Variants in PTPRT observed in about 807,000 individuals in gnomAD.
The protein encoded by PTPRT is protein tyrosine phosphatase receptor type T.
A neutral mutation model predicts 176.8 loss-of-function variants in PTPRT; 56 were observed. The ratio of observed to expected loss-of-function variants is 0.32; its 90% CI spans 0.26 to 0.40. The LOEUF is 0.40. PTPRT is among the 10% of genes least tolerant of loss of function. The probability of loss-of-function intolerance (pLI) is 1.00; values close to 1 mark genes in which losing one functional copy is unlikely to be tolerated. For missense variants in PTPRT, 1,540 were observed against 1,908.2 expected (o/e 0.81, Z 3.60); for synonymous variants, 783 against 739.0 (o/e 1.06, Z -0.96).
At chr20:43,065,884 A>G (rs942464616) in intron 1 of PTPRT, among the ~76,000 whole-genome samples, 1 of 152,058 alleles carries the variant, frequency 6.6e-6, no homozygotes, top group Non-Finnish European at 1.5e-5. Context: ...GGGGAAAAAA[A>G]GGTGTCCATA....
chr20:42,556,678 A>T (rs896537467), intron 7 of PTPRT, among the ~76,000 whole-genome samples: 3 of 152,266 alleles, frequency 2.0e-5, no homozygotes, highest in African/African-American at 7.2e-5. Flanking sequence ...CTCACTCCAG[A>T]ACCTGTGCAT....
intron 2 of PTPRT, among the ~76,000 whole-genome samples, chr20:42,879,397 A>C (rs918506737): frequency 6.6e-5 from 10 of 152,150 alleles, no homozygotes; most frequent in African/African-American, 2.4e-4. Context: ...TGCCATCTGC[A>C]TGTGGCCTCC....
At chr20:42,345,274 C>A (rs1415301475) in intron 11 of PTPRT, among the ~76,000 whole-genome samples, 3 of 151,518 alleles carry the variant, frequency 2.0e-5, no homozygotes, top group African/African-American at 7.3e-5. Flanking sequence ...GGCAGTCATA[C>A]CACACAGCAC....
At chr20:43,180,822 A>C (rs2015239413) in intron 1 of PTPRT, among the ~76,000 whole-genome samples, 1 of 152,152 alleles carries the variant, frequency 6.6e-6, no homozygotes, top group African/African-American at 2.4e-5. Context: ...ATATATTCTA[A>C]TATATATAGC....
intron 8 of PTPRT, among the ~76,000 whole-genome samples, chr20:42,450,712 C>T (rs1297198013): frequency 6.6e-6 from 1 of 152,044 alleles, no homozygotes; most frequent in East Asian, 1.9e-4. Context: ...CCTTATCCAC[C>T]CTTCCTTTCC....
At chr20:42,510,124 T>A (rs1238692486) in intron 7 of PTPRT, among the ~76,000 whole-genome samples, 1 of 152,086 alleles carries the variant, frequency 6.6e-6, no homozygotes, top group Non-Finnish European at 1.5e-5. Context: ...TACTTCTAAT[T>A]TGGTTTTATG....
intron 7 of PTPRT, among the ~76,000 whole-genome samples, chr20:42,515,781 G>A (rs1382053522): frequency 6.6e-6 from 1 of 151,718 alleles, no homozygotes; most frequent in Non-Finnish European, 1.5e-5. Context: ...TATAAATCAT[G>A]CTGCTATAAA....
chr20:42,416,381 G>C (rs1420760411), intron 9 of PTPRT, among the ~76,000 whole-genome samples: 1 of 152,168 alleles, frequency 6.6e-6, no homozygotes, highest in African/African-American at 2.4e-5. Context: ...AATTGTAAGA[G>C]AATAAATCTC....
intron 7 of PTPRT, among the ~76,000 whole-genome samples, chr20:42,525,893 G>T (rs2072259556): frequency 6.6e-6 from 1 of 152,088 alleles, no homozygotes. Flanking sequence ...TCCATCTCCT[G>T]TACTTATATG....
intron 6 of PTPRT, among the ~76,000 whole-genome samples, chr20:42,683,239 C>T (rs1204813469): frequency 7.2e-6 from 1 of 138,142 alleles, no homozygotes; most frequent in African/African-American, 2.8e-5. Context: ...TGCCATTTTT[C>T]CCAACTAGAA....
chr20:42,684,554 A>G (rs374028481), intron 6 of PTPRT, among the ~76,000 whole-genome samples: 9 of 152,290 alleles, frequency 5.9e-5, no homozygotes, highest in Admixed American at 5.2e-4. Context: ...GATTGGAAGT[A>G]TTTAGAGAGA....
chr20:42,269,811 G>A (rs1407310605), intron 13 of PTPRT, among the ~76,000 whole-genome samples: 1 of 152,196 alleles, frequency 6.6e-6, no homozygotes, highest in Non-Finnish European at 1.5e-5. Flanking sequence ...GGTAGGAAAA[G>A]TCAGGCTGAT....
rs565136321 is a variant in PTPRT at position 42,460,098 on chromosome 20, C to T, written c.1451-11769G>A. Among the ~76,000 whole-genome samples the T allele has an allele frequency of 5.9e-5, 9 of 152,240 alleles. No individual in the cohort carries two copies. The South Asian group carries it at 1.0e-3, about 18-fold the overall frequency. On this transcript the variant is annotated intron_variant, in intron 8 of 30. Transcript: ENST00000373187. ...TCAGTTTTGAATGTGTTTAATTCCA[C>T]GGGCTGATTAGCAATCTAGGTGGAG...
At chr20:43,182,689 G>C (rs528815086) in intron 1 of PTPRT, among the ~76,000 whole-genome samples, 1 of 152,026 alleles carries the variant, frequency 6.6e-6, no homozygotes, top group African/African-American at 2.4e-5. Context: ...CCACTCGCCC[G>C]GCCGTGGTTT....
chr20:42,672,009 A>G (rs952487788), intron 7 of PTPRT, among the ~76,000 whole-genome samples: 2 of 152,176 alleles, frequency 1.3e-5, no homozygotes, highest in Non-Finnish European at 2.9e-5. Flanking sequence ...CCTCCAACAC[A>G]ACATATTCAG....
intron 15 of PTPRT, among the ~76,000 whole-genome samples, chr20:42,209,416 A>G (rs1400436005): frequency 3.9e-5 from 6 of 151,990 alleles, no homozygotes; most frequent in African/African-American, 1.4e-4. Flanking sequence ...TAATAAAGAA[A>G]AAAAGAGAGA....
At chr20:42,181,210 T>C (rs763000633) in intron 16 of PTPRT, among the ~76,000 whole-genome samples, 3 of 152,062 alleles carry the variant, frequency 2.0e-5, no homozygotes, top group Non-Finnish European at 4.4e-5. Flanking sequence ...GGGCATGAAA[T>C]TGGAGAAGAG....
chr20:42,623,267 G>A (rs551319614), intron 7 of PTPRT, among the ~76,000 whole-genome samples: 3 of 152,294 alleles, frequency 2.0e-5, no homozygotes, highest in South Asian at 4.1e-4. Context: ...TAACATGCCC[G>A]CTGGGCTTCA....
rs1983089314 is a variant in PTPRT at position 42,079,348 on chromosome 20, C to T, written c.*1531G>A. The T allele has an allele frequency of 4.8e-6, 1 of 206,756 alleles. No homozygotes were observed. 12.8% of individuals were successfully genotyped at this position (206,756 alleles called of 1,614,324 possible). A position where few individuals can be genotyped will look rare whatever the true frequency, so the allele number is the denominator to read the frequency against. On this transcript the variant is annotated 3_prime_UTR_variant, in exon 31 of 31. Coordinates refer to ENST00000373187, the MANE Select transcript of PTPRT (RefSeq NM_007050.6). ...TTCCCTCCATAAAATAATTGCTTGGCTTAGAGAAGATGAAGAAAACAGCAC... is the reference window on the plus strand; with the variant it reads ...TTCCCTCCATAAAATAATTGCTTGGTTTAGAGAAGATGAAGAAAACAGCAC...
Sources: allele counts gnomAD v4.1 joint callset (sites outside exome capture counted in the v4.1 genomes callset), GRCh38; gene constraint gnomAD v4.1.1; transcripts MANE v1.5; gene names NCBI Gene and HGNC (gene_info 2026-07-23, HGNC 2026-07-21).